Variants in CNDP1 observed in about 807,000 individuals in gnomAD.
CNDP1 encodes beta-Ala-His dipeptidase.
CNDP1 carries 44 observed loss-of-function variants against 58.1 expected under a neutral mutation model. That is an observed-to-expected ratio of 0.76 (90% CI 0.60 to 0.97). The LOEUF is 0.97. Ranked by LOEUF, CNDP1 falls within the 50% of genes least tolerant of loss-of-function variation. The pLI, the probability that CNDP1 is intolerant of heterozygous loss-of-function variation, is 0.00. For missense variants in CNDP1, 616 were observed against 655.1 expected (o/e 0.94, Z 0.65); for synonymous variants, 254 against 252.6 (o/e 1.01, Z -0.05).
intron 11 of CNDP1, chr18:74,584,237 C>T: frequency 2.1e-6 from 1 of 487,018 alleles, no homozygotes; most frequent in Non-Finnish European, 3.7e-6. Context: ...ACCCTGATAT[C>T]CATATCAGTG....
chr18:74,577,470 G>A (rs113882127), intron 8 of CNDP1: 1,834 of 153,852 alleles, frequency 0.012, 26 homozygotes, highest in African/African-American at 0.04. Context: ...CATTGTCTCA[G>A]TGGACTAAGT....
intron 1 of CNDP1, among the ~76,000 whole-genome samples, chr18:74,546,905 G>A: frequency 6.6e-6 from 1 of 152,224 alleles, no homozygotes; most frequent in Non-Finnish European, 1.5e-5. Context: ...TTCTTCTCCA[G>A]GGTCAAGCTC....
chr18:74,584,114 A>G lies in CNDP1; in HGVS notation c.1458-382A>G, dbSNP rs992306658. ...AACACAGGACTTTGAGGAAACACAA[A>G]TATTTAGTGCATAACAAAAAAGGCT... On this transcript the variant is annotated intron_variant, in intron 11 of 11. Transcript: ENST00000358821. 1.0e-5 allele frequency: 3 copies of G among 296,772 alleles called. No homozygotes were observed. In the Admixed American group the frequency reaches 1.4e-4, roughly 14 times the overall value. 18.4% of individuals were successfully genotyped at this position (296,772 alleles called of 1,614,324 possible).
intron 1 of CNDP1, among the ~76,000 whole-genome samples, chr18:74,546,125 T>C (rs1980752073): frequency 6.6e-6 from 1 of 152,186 alleles, no homozygotes; most frequent in South Asian, 2.1e-4. Context: ...TTTTGGTCAT[T>C]GTTGTTTGAC....
In CNDP1 at chr18:74,569,477, A is replaced by C. The variant is rs573856074; in HGVS notation, c.757-1709A>C. On this transcript the variant is annotated intron_variant, in intron 6 of 11. Transcript: ENST00000358821. ...AGTTTTGGAAACTGGAAGCATGCTC[A>C]AGTGGAAGGCACCGTAAGCATTCCA... 1.2e-4 allele frequency among the ~76,000 whole-genome samples: 18 copies of C among 152,312 alleles called. No individual in the cohort carries two copies. The South Asian group carries it at 3.7e-3, about 32-fold the overall frequency.
chr18:74,535,009 A>C (rs1980451321), intron 1 of CNDP1, among the ~76,000 whole-genome samples: 1 of 152,252 alleles, frequency 6.6e-6, no homozygotes. Context: ...CTCTTTAAAA[A>C]AAATGAGTTT....
chr18:74,540,244 G>A (rs940561017), intron 1 of CNDP1, among the ~76,000 whole-genome samples: 17 of 149,384 alleles, frequency 1.1e-4, no homozygotes, highest in Admixed American at 6.1e-4. Flanking sequence ...TGCAACCTCC[G>A]CTTCCTGGGT....
At chr18:74,570,482 C>T (rs1277372655) in intron 6 of CNDP1, among the ~76,000 whole-genome samples, 1 of 152,100 alleles carries the variant, frequency 6.6e-6, no homozygotes, top group Non-Finnish European at 1.5e-5. Context: ...ACTGCCAAGT[C>T]CTCTGATAAG....
chr18:74,565,942 T>G (rs1214432478), intron 5 of CNDP1, among the ~76,000 whole-genome samples: 1 of 152,266 alleles, frequency 6.6e-6, no homozygotes, highest in Non-Finnish European at 1.5e-5. Flanking sequence ...AACTTTTGCC[T>G]GGGCATCCAA....
intron 7 of CNDP1, among the ~76,000 whole-genome samples, chr18:74,572,428 A>G (rs1344283187): frequency 6.6e-6 from 1 of 151,984 alleles, no homozygotes; most frequent in Non-Finnish European, 1.5e-5. Flanking sequence ...TTCACACATT[A>G]CCTATGCTTT....
chr18:74,560,834 G>A (rs755391983), intron 3 of CNDP1, 22 bp from the exon 4 acceptor site: 5 of 1,602,530 alleles, frequency 3.1e-6, no homozygotes, highest in Middle Eastern at 1.7e-4. Flanking sequence ...TTTTGAAAAT[G>A]TGATTCCTGA....
intron 1 of CNDP1, among the ~76,000 whole-genome samples, chr18:74,551,505 A>G (rs1269072126): frequency 6.6e-6 from 1 of 152,170 alleles, no homozygotes; most frequent in Non-Finnish European, 1.5e-5. Flanking sequence ...GAACCTGGAC[A>G]GCAAATTGAC....
At chr18:74,568,065 C>T (rs1275459068) in intron 6 of CNDP1, among the ~76,000 whole-genome samples, 1 of 152,192 alleles carries the variant, frequency 6.6e-6, no homozygotes, top group African/African-American at 2.4e-5. Context: ...CCCCTTTTCT[C>T]TTTTTCTAGT....
At position 74,583,508 on chromosome 18, in the gene CNDP1, C is replaced by T. The variant is rs1052000287; in HGVS notation, c.1310-53C>T. ...GGAGGCACTGACCTTGAGGAGCTTC[C>T]TGGGGGTGTTCTTGTCCTTACCCTA... On this transcript the variant is annotated intron_variant, in intron 10 of 11. Coordinates refer to ENST00000358821, the MANE Select transcript of CNDP1 (RefSeq NM_032649.6). 18 of 1,515,660 alleles carry T rather than the reference C, an allele frequency of 1.2e-5. No homozygotes were observed. The African/African-American group carries it at 2.5e-4, about 21-fold the overall frequency. 93.9% of individuals were successfully genotyped at this position (1,515,660 alleles called of 1,614,324 possible).
At chr18:74,561,894 A>T in intron 4 of CNDP1, 153 bp from the exon 5 acceptor site, 1 of 606,256 alleles carries the variant, frequency 1.6e-6, no homozygotes, top group East Asian at 2.9e-5. Context: ...TGTACATAAG[A>T]AATCATACTT....
intron 10 of CNDP1, among the ~76,000 whole-genome samples, chr18:74,581,855 T>A (rs894742447): frequency 3.9e-5 from 6 of 152,230 alleles, no homozygotes; most frequent in African/African-American, 7.2e-5. Context: ...AGCAGTGGCA[T>A]GCATTTAGGT....
intron 10 of CNDP1, 92 bp from the exon 11 acceptor site, chr18:74,583,469 G>A: frequency 1.0e-6 from 1 of 1,004,054 alleles, no homozygotes; most frequent in Non-Finnish European, 1.5e-6. Context: ...AGGAAAAAGA[G>A]AGAGGAAGGT....
chr18:74,553,676 C>G (rs893224329), intron 1 of CNDP1, among the ~76,000 whole-genome samples: 5 of 152,206 alleles, frequency 3.3e-5, no homozygotes, highest in Non-Finnish European at 7.3e-5. Context: ...TTAAACTTCA[C>G]AATTTCCTCT....
intron 6 of CNDP1, among the ~76,000 whole-genome samples, chr18:74,570,200 A>AAATAATAATAATAATAAT (rs112491367): frequency 1.4e-5 from 1 of 70,138 alleles, no homozygotes; most frequent in South Asian, 4.7e-4. Context: ...CTCTGTCTCA[A>AAATAATAATAATAATAAT]AATAATAATA....
Sources: gnomAD v4.1 joint callset for allele counts (sites outside exome capture counted in the v4.1 genomes callset) on GRCh38, gnomAD v4.1.1 for gene constraint, MANE v1.5 for transcripts, NCBI Gene and HGNC (gene_info 2026-07-23, HGNC 2026-07-21) for gene names.